The following BABAM2 variants were observed in gnomAD, a reference collection of about 807,000 sequenced individuals.
BABAM2 encodes BRISC and BRCA1 A complex member 2, also known as BRISC and BRCA1-A complex member 2.
A neutral mutation model predicts 54.7 loss-of-function variants in BABAM2; 31 were observed. The ratio of observed to expected loss-of-function variants is 0.57; its 90% CI spans 0.43 to 0.77. BABAM2 has a LOEUF of 0.77. BABAM2 is among the 30% of genes least tolerant of loss of function. BABAM2 has a pLI of 0.00. For missense variants in BABAM2, 364 were observed against 455.8 expected (o/e 0.80, Z 1.83); for synonymous variants, 167 against 162.9 (o/e 1.03, Z -0.19).
chr2:28,310,021 T>C (rs1688933946), intron 11 of BABAM2: 3 of 1,517,950 alleles, frequency 2.0e-6, no homozygotes, highest in Admixed American at 1.7e-5. Flanking sequence ...CGTGGAATTA[T>C]TGGATCCTTG....
At chr2:28,247,224 C>G (rs11127137) in intron 10 of BABAM2, among the ~76,000 whole-genome samples, 128,148 of 152,146 alleles carry the variant, frequency 0.84, 55,764 homozygotes, top group East Asian at 1. Flanking sequence ...CTGCCACACT[C>G]TTGGCTCTTC....
At chr2:27,993,084 G>T (rs1672894348) in intron 4 of BABAM2, among the ~76,000 whole-genome samples, 1 of 152,134 alleles carries the variant, frequency 6.6e-6, no homozygotes. Flanking sequence ...GTCTGTCTCT[G>T]CCAGGGTGAC....
Position 28,330,711 on chromosome 2 carries a change from A to G in BABAM2, c.1089-7739A>G, listed in dbSNP as rs187308570. On this transcript the variant is annotated intron_variant, in intron 11 of 11. Coordinates refer to ENST00000379624, the MANE Select transcript of BABAM2 (RefSeq NM_199191.3). ...CACAAACAAATGGAAAAACATTCCAAGCTCATGGATAGGAAGAATTAGTAT... is the reference window on the plus strand; with the variant it reads ...CACAAACAAATGGAAAAACATTCCAGGCTCATGGATAGGAAGAATTAGTAT... Among the ~76,000 whole-genome samples, 69 of 152,330 alleles carry G rather than the reference A, an allele frequency of 4.5e-4. 1 individual carries two copies. Among genetic ancestry groups the G allele is most frequent in the African/African-American group, 1.5e-3 (64 of 41,584 alleles).
intron 7 of BABAM2, among the ~76,000 whole-genome samples, chr2:28,161,189 G>T (rs1261705161): frequency 6.6e-6 from 1 of 152,178 alleles, no homozygotes. Flanking sequence ...TTTGAAGAAT[G>T]CCATTGTGGA....
chr2:28,175,123 T>C (rs1573753857), intron 7 of BABAM2, among the ~76,000 whole-genome samples: 1 of 152,100 alleles, frequency 6.6e-6, no homozygotes, highest in Non-Finnish European at 1.5e-5. Context: ...GACTGGCTCT[T>C]CCCACTGCTG....
chr2:28,250,661 A>G (rs1358882431), intron 10 of BABAM2, among the ~76,000 whole-genome samples: 4 of 147,364 alleles, frequency 2.7e-5, no homozygotes, highest in Non-Finnish European at 5.9e-5. Flanking sequence ...GTGCAGTGGC[A>G]CGATCTCAGC....
intron 3 of BABAM2, among the ~76,000 whole-genome samples, chr2:27,974,227 C>T (rs1171220319): frequency 6.6e-6 from 1 of 151,826 alleles, no homozygotes; most frequent in Non-Finnish European, 1.5e-5. Context: ...CAAAATCAGT[C>T]AAAGAAAGTA....
chr2:28,302,588 T>C (rs767523290), intron 11 of BABAM2, among the ~76,000 whole-genome samples: 6 of 152,218 alleles, frequency 3.9e-5, no homozygotes, highest in Non-Finnish European at 8.8e-5. Context: ...TTTGTAGACA[T>C]GTGTTTTCCT....
intron 6 of BABAM2, among the ~76,000 whole-genome samples, chr2:28,116,984 T>C (rs1668669332): frequency 6.6e-6 from 1 of 152,252 alleles, no homozygotes; most frequent in Admixed American, 6.5e-5. Flanking sequence ...CATACTCCTA[T>C]GGATTTTCTG....
intron 7 of BABAM2, among the ~76,000 whole-genome samples, chr2:28,200,543 G>A (rs531610553): frequency 6.6e-6 from 1 of 152,324 alleles, no homozygotes; most frequent in Non-Finnish European, 1.5e-5. Context: ...TTAGTAGGCA[G>A]CCTGGGAGTT....
intron 6 of BABAM2, among the ~76,000 whole-genome samples, chr2:28,079,871 A>G (rs541284333): frequency 7.9e-5 from 12 of 152,294 alleles, no homozygotes; most frequent in Non-Finnish European, 1.6e-4. Flanking sequence ...AATTATCTTA[A>G]TGTTTTATTT....
chr2:28,157,399 A>G (rs927433190), intron 7 of BABAM2, among the ~76,000 whole-genome samples: 1 of 152,226 alleles, frequency 6.6e-6, no homozygotes, highest in African/African-American at 2.4e-5. Flanking sequence ...CTGCCTTGGC[A>G]AACTTAGTTA....
intron 7 of BABAM2, among the ~76,000 whole-genome samples, chr2:28,137,814 C>G (rs1016706901): frequency 1.8e-4 from 28 of 152,124 alleles, no homozygotes; most frequent in Admixed American, 2.6e-4. Context: ...TTGTTTGACC[C>G]TTAAGTTCTG....
At chr2:28,072,047 G>T (rs551510557) in intron 6 of BABAM2, among the ~76,000 whole-genome samples, 17 of 152,254 alleles carry the variant, frequency 1.1e-4, no homozygotes, top group African/African-American at 3.6e-4. Context: ...TTGAAACAGG[G>T]TCTCACTCTG....
chr2:28,302,118 A>ATTAT (rs1487868835), intron 11 of BABAM2, among the ~76,000 whole-genome samples: 3 of 152,130 alleles, frequency 2.0e-5, no homozygotes, highest in Non-Finnish European at 4.4e-5. Context: ...TAATTGTTTA[A>ATTAT]GATTTAGCTG....
At chr2:28,011,817 C>T (rs1674422860) in intron 4 of BABAM2, among the ~76,000 whole-genome samples, 1 of 91,574 alleles carries the variant, frequency 1.1e-5, no homozygotes, top group Non-Finnish European at 2.7e-5. Flanking sequence ...GGTCTGGTGC[C>T]GACTGAGACA....
intron 6 of BABAM2, among the ~76,000 whole-genome samples, chr2:28,118,299 G>A (rs907378137): frequency 2.6e-5 from 4 of 152,184 alleles, no homozygotes; most frequent in Admixed American, 6.5e-5. Context: ...TTGCCATGCT[G>A]TCTCCCACAA....
intron 6 of BABAM2, among the ~76,000 whole-genome samples, chr2:28,076,117 A>G (rs11691385): frequency 0.76 from 114,648 of 151,730 alleles, 44,076 homozygotes; most frequent in Middle Eastern, 0.88. Context: ...AAATAAAAAT[A>G]TATAAAAATT....
At chr2:27,996,499 G>A (rs867454337) in intron 4 of BABAM2, 3 of 154,836 alleles carry the variant, frequency 1.9e-5, no homozygotes, top group Middle Eastern at 5.1e-4. Context: ...CACACAAGCA[G>A]TGTGGATCTC....
Sources: allele counts gnomAD v4.1 joint callset (sites outside exome capture counted in the v4.1 genomes callset), GRCh38; gene constraint gnomAD v4.1.1; transcripts MANE v1.5; gene names NCBI Gene and HGNC (gene_info 2026-07-23, HGNC 2026-07-21).